Variants in EXPH5 observed in about 807,000 individuals in gnomAD.
EXPH5 encodes the protein exophilin 5.
EXPH5 carries 42 observed loss-of-function variants against 41.1 expected under a neutral mutation model. The ratio of observed to expected loss-of-function variants is 1.02; its 90% CI spans 0.80 to 1.32. The LOEUF (loss-of-function observed/expected upper bound fraction) is 1.32. EXPH5 is among the 40% of genes most tolerant of loss of function. The pLI, the probability that EXPH5 is intolerant of heterozygous loss-of-function variation, is 0.00. For synonymous variants in EXPH5, 798 were observed against 833.5 expected (o/e 0.96, Z 0.73); for missense variants, 2,298 against 2,314.5 (o/e 0.99, Z 0.15).
the EXPH5 span, among the ~76,000 whole-genome samples, chr11:108,601,949 A>G: frequency 9.2e-5 from 14 of 151,976 alleles, no homozygotes; most frequent in African/African-American, 2.2e-4. Flanking sequence ...GGGTTTCACC[A>G]TGTTGGCCAG....
chr11:108,532,367 T>TATATATATATATACATATATATATATATA (rs61454000), intron 3 of EXPH5, among the ~76,000 whole-genome samples: 1 of 20,370 alleles, frequency 4.9e-5, no homozygotes, highest in African/African-American at 3.1e-4. Context: ...TATATATATA[T>TATATATATATATACATATATATATATATA]TTTTTTTTTT....
intron 5 of EXPH5, among the ~76,000 whole-genome samples, chr11:108,516,343 G>C (rs2135940560): frequency 6.6e-6 from 1 of 152,230 alleles, no homozygotes; most frequent in South Asian, 2.1e-4. Context: ...TGTGATCTTA[G>C]ACAAGCCACA....
At chr11:108,523,231 A>G (rs1229621318) in intron 4 of EXPH5, among the ~76,000 whole-genome samples, 1 of 152,150 alleles carries the variant, frequency 6.6e-6, no homozygotes, top group African/African-American at 2.4e-5. Flanking sequence ...ATACTTAAAA[A>G]TATCCTCTCT....
upstream of EXPH5, among the ~76,000 whole-genome samples, chr11:108,597,343 G>A (rs111956140): frequency 2.7e-3 from 413 of 152,232 alleles, no homozygotes; most frequent in African/African-American, 9.4e-3. Context: ...GATTACAGGC[G>A]CACGCCACCG....
At chr11:108,555,123 G>T (rs1464254493) in intron 1 of EXPH5, among the ~76,000 whole-genome samples, 6 of 152,230 alleles carry the variant, frequency 3.9e-5, no homozygotes, top group African/African-American at 1.2e-4. Flanking sequence ...GCAAGCTCAA[G>T]ACAAGAGGAG....
intron 1 of EXPH5, among the ~76,000 whole-genome samples, chr11:108,554,751 C>T (rs1388231602): frequency 6.6e-6 from 1 of 152,048 alleles, no homozygotes; most frequent in Non-Finnish European, 1.5e-5. Flanking sequence ...GTGAAACCCC[C>T]TATCTACTAA....
chr11:108,555,953 T>C lies in EXPH5; in HGVS notation c.120-14141A>G, dbSNP rs368240322. ...GAGAACGGACGTATACAAGCCCCTA[T>C]CTGTCTCCCTGCTTCACTCTGGCTC... On this transcript the variant is annotated intron_variant, in intron 1 of 5. Coordinates refer to ENST00000265843, the MANE Select transcript of EXPH5 (RefSeq NM_015065.3). Among the ~76,000 whole-genome samples the C allele has an allele frequency of 8.5e-5, 13 of 152,300 alleles. No individual in the cohort carries two copies. In the South Asian group the frequency reaches 2.7e-3, roughly 32 times the overall value.
In EXPH5 at chr11:108,507,174, T is replaced by C. The variant is rs1282591104; in HGVS notation, c.*2363A>G. ...GCTCAGGATTGGTCAGAGCTTGAAG[T>C]TTAAAATAGTTGACAGATTTAGGGA... On this transcript the variant is annotated 3_prime_UTR_variant, in exon 6 of 6. Coordinates refer to ENST00000265843, the MANE Select transcript of EXPH5 (RefSeq NM_015065.3). 6.6e-6 allele frequency: 1 copy of C among 152,196 alleles called. No homozygotes were observed. Among genetic ancestry groups the C allele is most frequent in the Non-Finnish European group, 1.5e-5 (1 of 68,036 alleles). 9.4% of individuals were successfully genotyped at this position (152,196 alleles called of 1,614,324 possible). A position where few individuals can be genotyped will look rare whatever the true frequency, so the allele number is the denominator to read the frequency against.
intron 1 of EXPH5, among the ~76,000 whole-genome samples, chr11:108,584,319 T>TA (rs901534068): frequency 1.1e-4 from 17 of 151,004 alleles, no homozygotes; most frequent in African/African-American, 3.4e-4. Context: ...CTACTAAAAA[T>TA]AAAAAAAAAT....
At chr11:108,594,111 G>A (rs2094135135), upstream of EXPH5, among the ~76,000 whole-genome samples, 1 of 152,102 alleles carries the variant, frequency 6.6e-6, no homozygotes, top group Non-Finnish European at 1.5e-5. Context: ...TTGCAAGTAG[G>A]GTTTGTAACT....
chr11:108,583,397 AATAAGT>A (rs2094104376), intron 1 of EXPH5, among the ~76,000 whole-genome samples: 6 of 151,862 alleles, frequency 4.0e-5, no homozygotes, highest in Admixed American at 3.9e-4. Flanking sequence ...AAAAAAAATA[AATAAGT>A]ATATCAATAG....
rs143775381 is a variant in EXPH5 at position 108,511,494 on chromosome 11, C to G, written c.4013G>C (p.Gly1338Ala). The G allele has an allele frequency of 7.9e-5, 126 of 1,589,504 alleles. No individual in the cohort carries two copies. The highest frequency in any genetic ancestry group is 1.1e-4 in the Non-Finnish European group (123 of 1,171,148). The change falls in exon 6 of 6, where the codon GGG becomes GCG. Residue 1338 changes from glycine (G) to alanine (A), a missense_variant. By Grantham distance (60) the Gly-to-Ala change is moderately conservative. Coordinates refer to ENST00000265843, the MANE Select transcript of EXPH5 (RefSeq NM_015065.3). The part of the protein sequence containing the change: ...NMTAFRLSNR[G>A]PLAPTLQEMA... ...TTCCTGTAATGTAGGAGCTAGGGGCCCCCTATTTGATAATCGGAAGGCAGT... is the reference window on the plus strand; with the variant it reads ...TTCCTGTAATGTAGGAGCTAGGGGCGCCCTATTTGATAATCGGAAGGCAGT...
chr11:108,539,189 A>G lies in EXPH5; in HGVS notation c.281-3T>C. On this transcript the variant is annotated splice_region_variant and splice_polypyrimidine_tract_variant and intron_variant, in intron 2 of 5. Coordinates refer to ENST00000265843, the MANE Select transcript of EXPH5 (RefSeq NM_015065.3). ...TGATGTAGGTAATTCTATCGGATCT[A>G]GAAAAAAAAATTGTAAAAATTTTGC... 1 of 1,560,214 alleles carries G rather than the reference A, an allele frequency of 6.4e-7. No individual in the cohort carries two copies. The highest frequency in any genetic ancestry group is 1.7e-4 in the Middle Eastern group (1 of 5,796).
At chr11:108,543,405 A>C (rs1225977851) in intron 1 of EXPH5, among the ~76,000 whole-genome samples, 1 of 152,206 alleles carries the variant, frequency 6.6e-6, no homozygotes, top group Non-Finnish European at 1.5e-5. Flanking sequence ...GGATGGAGGC[A>C]AAATGAACAG....
At chr11:108,519,950 CAAAAAAAAAAAAAAAA>C (rs71050861) in intron 4 of EXPH5, among the ~76,000 whole-genome samples, 1 of 62,064 alleles carries the variant, frequency 1.6e-5, no homozygotes, top group Non-Finnish European at 2.8e-5. Context: ...GACTCTGTCT[CAAAAAAAAAAAAAAAA>C]AAAAAAAAAA....
intron 1 of EXPH5, among the ~76,000 whole-genome samples, chr11:108,551,260 A>T (rs751052688): frequency 1.8e-4 from 28 of 152,242 alleles, no homozygotes; most frequent in Non-Finnish European, 3.2e-4. Context: ...AACCCCACTA[A>T]GAAACAATGC....
In EXPH5 at chr11:108,511,582, G is replaced by T. The variant is rs183046140; in HGVS notation, c.3925C>A (p.Pro1309Thr). 55 of 1,613,402 alleles carry T rather than the reference G, an allele frequency of 3.4e-5. No individual in the cohort carries two copies. In the African/African-American group the frequency reaches 6.0e-4, roughly 18 times the overall value. Residue 1309 changes from proline to threonine, a missense_variant, in exon 6 of 6, where the codon CCT becomes ACT. Physicochemically the swap from Pro to Thr is conservative, Grantham distance 38 (BLOSUM62 -1). Coordinates refer to ENST00000265843, the MANE Select transcript of EXPH5 (RefSeq NM_015065.3). ...NYSTREQSGT[P>T]SCENLKMSVN... is the part of the protein sequence containing the mutation. The stretch of plus-strand genomic sequence containing the variant: ...GACATCTTTAGATTTTCACATGAAG[G>T]TGTTCCTGACTGCTCTCGTGTAGAA...
At chr11:108,570,104 C>G (rs895646223) in intron 1 of EXPH5, among the ~76,000 whole-genome samples, 7 of 152,340 alleles carry the variant, frequency 4.6e-5, no homozygotes, top group Non-Finnish European at 7.3e-5. Context: ...TGGCCTGCCT[C>G]CTGAAATGGC....
intron 1 of EXPH5, among the ~76,000 whole-genome samples, chr11:108,548,109 TA>T (rs66485994): frequency 0.16 from 17,690 of 107,500 alleles, 1,652 homozygotes; most frequent in African/African-American, 0.27. Context: ...ACTTCATCTT[TA>T]AAAAAAAAAA....
Sources: gnomAD v4.1 joint callset for allele counts (sites outside exome capture counted in the v4.1 genomes callset) on GRCh38, gnomAD v4.1.1 for gene constraint, MANE v1.5 for transcripts, NCBI Gene and HGNC (gene_info 2026-07-23, HGNC 2026-07-21) for gene names.